Variants in SLC35E2B observed in about 807,000 individuals in gnomAD.
SLC35E2B encodes the protein solute carrier family 35 member E2B.
In SLC35E2B, 18 loss-of-function variants were observed where a neutral mutation model predicts 32.4. The observed-to-expected ratio is 0.56, with a 90% CI of 0.38 to 0.82. The LOEUF is 0.82. Among genes scored for constraint, SLC35E2B ranks in the 40% least tolerant of loss-of-function variants. The pLI is 0.00. For synonymous variants in SLC35E2B, 132 were observed against 209.1 expected, an observed-to-expected ratio of 0.63 and a Z score of 3.18; for missense variants, 263 against 469.5, an observed-to-expected ratio of 0.56 and a Z score of 4.06.
intron 2 of SLC35E2B, among the ~76,000 whole-genome samples, chr1:1,689,734 C>T (rs1557768537): frequency 6.6e-6 from 1 of 151,490 alleles, no homozygotes; most frequent in Non-Finnish European, 1.5e-5. Flanking sequence ...TGCCTGTAAT[C>T]CTAGCACTTT....
intron 2 of SLC35E2B, among the ~76,000 whole-genome samples, chr1:1,677,579 G>C (rs371055359): frequency 5.3e-5 from 8 of 150,284 alleles, no homozygotes; most frequent in Admixed American, 2.0e-4. Flanking sequence ...CCGGGTTCTC[G>C]CCATTCTCCT....
rs7416520 is a variant in SLC35E2B, at chr1:1,663,038, T to C, written c.*2744A>G. ...GCCATGAAGACCAGCGGCTGGAAAC[T>C]GACTTGGGCATGGAGAGGAGACTGA... is the stretch of plus-strand genomic sequence containing the variant. On this transcript the variant is annotated 3_prime_UTR_variant, in exon 10 of 10. Transcript: ENST00000617444. The C allele has an allele frequency of 0.44, 405,858 of 917,192 alleles. 73,779 individuals are homozygous for C. The highest frequency in any genetic ancestry group is 0.53 in the East Asian group (4,406 of 8,304). The allele number at this position is 917,192 out of a possible 1,614,324, so 56.8% of individuals were successfully genotyped here.
intron 2 of SLC35E2B, among the ~76,000 whole-genome samples, chr1:1,678,701 T>G (rs539533098): frequency 1.3e-5 from 2 of 152,214 alleles, no homozygotes; most frequent in South Asian, 4.2e-4. Context: ...GTGCCAGATC[T>G]CCACAAAGAC....
rs772475599 is a variant in SLC35E2B at position 1,682,826 on chromosome 1, G to C, written c.-147-5980C>G. ...AGGCCGGGCTTGGTGGCTCACGCCT[G>C]TAATCCCAGCACTTTGGAGGCAGGT... On this transcript the variant is annotated intron_variant, in intron 2 of 9. Transcript: ENST00000617444. Among the ~76,000 whole-genome samples, 104 of 152,112 alleles carry C rather than the reference G, an allele frequency of 6.8e-4. 2 individuals carry two copies. The highest frequency in any genetic ancestry group is 1.9e-4 in the Non-Finnish European group (13 of 68,010).
chr1:1,681,928 C>T lies in SLC35E2B; in HGVS notation c.-147-5082G>A, dbSNP rs80070807. ...TGAACCCGGGAGGTGGAGCTTGCAG[C>T]GAGCCGAGATCGCGCCACTGCACTC... On this transcript the variant is annotated intron_variant, in intron 2 of 9. Transcript: ENST00000617444. Among the ~76,000 whole-genome samples, 931 of 138,706 alleles carry T rather than the reference C, an allele frequency of 6.7e-3. 15 individuals are homozygous for T. The highest frequency in any genetic ancestry group is 0.023 in the African/African-American group (825 of 35,712). 91.0% of individuals were successfully genotyped at this position (138,706 alleles called of 152,430 possible). A position where few individuals can be genotyped will look rare whatever the true frequency, so the allele number is the denominator to read the frequency against.
At chr1:1,666,100 G>A in intron 9 of SLC35E2B, 81 bp from the exon 10 acceptor site, 1 of 1,460,118 alleles carries the variant, frequency 6.8e-7, no homozygotes, top group Non-Finnish European at 9.2e-7. Context: ...GCTGAGCCTG[G>A]GTCTGGAGGC....
intron 6 of SLC35E2B, 26 bp from the exon 7 acceptor site, chr1:1,670,177 A>T: frequency 6.6e-7 from 1 of 1,516,116 alleles, no homozygotes; most frequent in South Asian, 1.2e-5. Flanking sequence ...GAGGTTATGC[A>T]TCAATACTAG....
At chr1:1,666,843 C>T (rs933460460) in intron 9 of SLC35E2B, among the ~76,000 whole-genome samples, 10 of 151,006 alleles carry the variant, frequency 6.6e-5, no homozygotes, top group Admixed American at 2.0e-4. Flanking sequence ...CCGTGGCTCA[C>T]GCCTGTAATC....
chr1:1,680,902 A>G (rs1643894741), intron 2 of SLC35E2B, among the ~76,000 whole-genome samples: 1 of 151,606 alleles, frequency 6.6e-6, no homozygotes, highest in African/African-American at 2.4e-5. Context: ...TCCCAGGTTC[A>G]AGGGATTCTC....
At chr1:1,678,486 A>G (rs1643872732) in intron 2 of SLC35E2B, among the ~76,000 whole-genome samples, 1 of 151,826 alleles carries the variant, frequency 6.6e-6, no homozygotes, top group Non-Finnish European at 1.5e-5. Flanking sequence ...CTGTGCACCC[A>G]GGTCTCCCCG....
In SLC35E2B at chr1:1,686,635, A is replaced by C. The variant is rs558710269; in HGVS notation, c.-148+4341T>G. 2.0e-5 allele frequency among the ~76,000 whole-genome samples: 3 copies of C among 151,918 alleles called. No homozygotes were observed. The East Asian group carries it at 5.9e-4, about 30-fold the overall frequency. On this transcript the variant is annotated intron_variant, in intron 2 of 9. Transcript: ENST00000617444. ...ACAAAAGTTAGCTGGGTGCAGTGGC[A>C]TGCGCCTGTAATCCCAGCTACTCGG...
chr1:1,671,441 T>A, intron 6 of SLC35E2B, 68 bp downstream of exon 6: 2 of 1,330,358 alleles, frequency 1.5e-6, no homozygotes, highest in Non-Finnish European at 2.0e-6. Flanking sequence ...CACCTGAGAA[T>A]CTGCACACCC....
At chr1:1,670,005 G>C (rs1455589824) in intron 7 of SLC35E2B, 93 bp downstream of exon 7, 4 of 1,175,498 alleles carry the variant, frequency 3.4e-6, no homozygotes, top group Non-Finnish European at 4.9e-6. Flanking sequence ...GACAGGAAGG[G>C]AGTCAGGCCT....
chr1:1,662,057 CTG>C lies in SLC35E2B; in HGVS notation c.*3723_*3724del, dbSNP rs1381723970. On this transcript the variant is annotated 3_prime_UTR_variant, in exon 10 of 10. Transcript: ENST00000617444. Reference sequence around the variant, plus strand: ...TCAAACATAGGGGCCCGCAGGGAAACTGGAGGAAATACTTCAGAGACAGCAAA... The same window carrying C: ...TCAAACATAGGGGCCCGCAGGGAAACGAGGAAATACTTCAGAGACAGCAAA... The C allele has an allele frequency of 9.4e-6, 7 of 744,672 alleles. No homozygotes were observed. The African/African-American group carries it at 1.4e-4, about 15-fold the overall frequency. The allele number at this position is 744,672 out of a possible 1,614,324, so 46.1% of individuals were successfully genotyped here.
At chr1:1,682,434 C>T (rs1030643705) in intron 2 of SLC35E2B, among the ~76,000 whole-genome samples, 13 of 152,090 alleles carry the variant, frequency 8.5e-5, no homozygotes, top group Non-Finnish European at 1.9e-4. Flanking sequence ...GCTGAAGCTA[C>T]GATGGAAATG....
chr1:1,686,916 C>A (rs560928053), intron 2 of SLC35E2B, among the ~76,000 whole-genome samples: 1 of 151,612 alleles, frequency 6.6e-6, no homozygotes, highest in African/African-American at 2.4e-5. Flanking sequence ...ATTAGCCGGG[C>A]GTGGTGACGG....
rs1428362969 is a variant in SLC35E2B at position 1,663,404 on chromosome 1, C to G, written c.*2378G>C. ...TTCTCGACGGGGAGGTGGACAAGGC[C>G]ACCCTGGGAGTTGCTTTCAATCTGT... On this transcript the variant is annotated 3_prime_UTR_variant, in exon 10 of 10. Transcript: ENST00000617444. 1.1e-6 allele frequency: 1 copy of G among 940,562 alleles called. No homozygotes were observed. Among genetic ancestry groups the G allele is most frequent in the Non-Finnish European group, 1.3e-6 (1 of 791,930 alleles). The allele number at this position is 940,562 out of a possible 1,614,324, so 58.3% of individuals were successfully genotyped here. A position where few individuals can be genotyped will look rare whatever the true frequency, so the allele number is the denominator to read the frequency against.
Position 1,683,277 on chromosome 1 carries a change from T to C in SLC35E2B, c.-147-6431A>G, listed in dbSNP as rs74045937. Reference sequence around the variant, plus strand: ...CCCCTGGGGAGAGTGCCAGGTCCCCTGCGGCGAGGGCTGGATCCCACAAGA... The same window carrying C: ...CCCCTGGGGAGAGTGCCAGGTCCCCCGCGGCGAGGGCTGGATCCCACAAGA... On this transcript the variant is annotated intron_variant, in intron 2 of 9. Coordinates refer to ENST00000617444, the MANE Select transcript of SLC35E2B (RefSeq NM_001290264.2). Among the ~76,000 whole-genome samples, 960 of 152,200 alleles carry C rather than the reference T, an allele frequency of 6.3e-3. 13 individuals carry two copies. The highest frequency in any genetic ancestry group is 0.022 in the African/African-American group (924 of 41,520).
At chr1:1,672,395 G>A (rs1199313408) in intron 5 of SLC35E2B, 1 of 152,266 alleles carries the variant, frequency 6.6e-6, no homozygotes, top group African/African-American at 2.4e-5. Flanking sequence ...GAAACCCACA[G>A]ATACTGCCCA....
Sources: gnomAD v4.1 joint callset for allele counts (sites outside exome capture counted in the v4.1 genomes callset) on GRCh38, gnomAD v4.1.1 for gene constraint, MANE v1.5 for transcripts, NCBI Gene and HGNC (gene_info 2026-07-23, HGNC 2026-07-21) for gene names.